The following FMNL2 variants were observed in gnomAD, a reference collection of about 807,000 sequenced individuals.
The protein encoded by FMNL2 is formin-like protein 2.
Under a neutral mutation model 130.2 loss-of-function variants are expected in FMNL2, and 51 were observed. That is an observed-to-expected ratio of 0.39 (90% CI 0.31 to 0.49). The LOEUF (loss-of-function observed/expected upper bound fraction) is 0.49, where lower values mean the gene tolerates loss of function less well. Among genes scored for constraint, FMNL2 ranks in the 20% least tolerant of loss-of-function variants. FMNL2 has a pLI of 0.85. For synonymous variants in FMNL2, 465 were observed against 467.1 expected, an observed-to-expected ratio of 1.00 and a Z score of 0.06; for missense variants, 977 against 1,316.2, an observed-to-expected ratio of 0.74 and a Z score of 3.99.
In FMNL2 at chr2:152,619,532, C is replaced by A; in HGVS notation, c.1651C>A (p.Pro551Thr). The A allele has an allele frequency of 6.5e-7, 1 of 1,545,150 alleles. No homozygotes were observed. Among genetic ancestry groups the A allele is most frequent in the Non-Finnish European group, 8.7e-7 (1 of 1,146,094 alleles). Residue 551 changes from proline to threonine, a missense_variant, in exon 15 of 26, where the codon CCT (proline) becomes ACT (threonine). By Grantham distance (38) the Pro-to-Thr change is conservative. This residue lies in a region of FMNL2 where 689 missense variants were observed against 995.9 expected (regional missense o/e 0.69). Transcript: ENST00000288670. The stretch of plus-strand genomic sequence containing the variant: ...AGTGCAAAATGGTCCAGTAACACCA[C>A]CTATGCCACCGCCGCCGCCGCCCCC... Reference protein sequence around the residue: ...ETVQNGPVTPPMPPPPPPPPP... With the variant: ...ETVQNGPVTPTMPPPPPPPPP...
At chr2:152,346,919 G>A (rs1366020975) in intron 1 of FMNL2, among the ~76,000 whole-genome samples, 1 of 151,286 alleles carries the variant, frequency 6.6e-6, no homozygotes, top group Admixed American at 6.6e-5. Context: ...GTGAAACCCC[G>A]TATCTACTAA....
At chr2:152,611,752 G>C (rs1698696004) in intron 11 of FMNL2, 147 bp downstream of exon 11, 3 of 530,720 alleles carry the variant, frequency 5.7e-6, no homozygotes, top group Non-Finnish European at 1.0e-5. Flanking sequence ...ACTGAGCTGA[G>C]TGATGTACTC....
At chr2:152,466,004 G>C (rs997436527) in intron 1 of FMNL2, among the ~76,000 whole-genome samples, 5 of 152,208 alleles carry the variant, frequency 3.3e-5, no homozygotes, top group Admixed American at 3.3e-4. Context: ...AATGTTGTGG[G>C]AAGAAGCACT....
At chr2:152,520,004 A>G (rs905600349) in intron 1 of FMNL2, among the ~76,000 whole-genome samples, 5 of 152,224 alleles carry the variant, frequency 3.3e-5, no homozygotes, top group African/African-American at 1.2e-4. Flanking sequence ...TGATGGACTG[A>G]CCATTTACCA....
intron 3 of FMNL2, among the ~76,000 whole-genome samples, chr2:152,548,265 C>G (rs1694754247): frequency 6.6e-6 from 1 of 152,214 alleles, no homozygotes; most frequent in African/African-American, 2.4e-5. Flanking sequence ...AGGCCTGAGA[C>G]TGCTATGCTT....
In FMNL2 at chr2:152,357,182, A is replaced by ATCAGTTTAATGTATCACGATAAATATTAC. The variant is rs1560293901; in HGVS notation, c.117+21462_117+21463insTCAGTTTAATGTATCACGATAAATATTAC. On this transcript the variant is annotated intron_variant, in intron 1 of 25. Transcript: ENST00000288670. ...GTTTAATGTATCACGATAAATATTA[A>ATCAGTTTAATGTATCACGATAAATATTAC]ATCAGTTTAATGTATCACGATAAAT... is the stretch of plus-strand genomic sequence containing the variant. Among the ~76,000 whole-genome samples, 91 of 22,278 alleles carry ATCAGTTTAATGTATCACGATAAATATTAC rather than the reference A, an allele frequency of 4.1e-3. 2 individuals carry two copies. The highest frequency in any genetic ancestry group is 7.0e-3 in the African/African-American group (72 of 10,308). 14.6% of individuals were successfully genotyped at this position (22,278 alleles called of 152,430 possible). A position where few individuals can be genotyped will look rare whatever the true frequency, so the allele number is the denominator to read the frequency against.
At chr2:152,477,865 T>C (rs1277597224) in intron 1 of FMNL2, among the ~76,000 whole-genome samples, 4 of 152,102 alleles carry the variant, frequency 2.6e-5, no homozygotes, top group Non-Finnish European at 5.9e-5. Context: ...ACACAAACTA[T>C]AGACACATGA....
intron 1 of FMNL2, among the ~76,000 whole-genome samples, chr2:152,518,370 G>A (rs1230141536): frequency 6.6e-6 from 1 of 152,148 alleles, no homozygotes; most frequent in Non-Finnish European, 1.5e-5. Context: ...CTTTAGTTTG[G>A]ATGTATTGAT....
chr2:152,514,120 G>A (rs943743504), intron 1 of FMNL2, among the ~76,000 whole-genome samples: 15 of 152,090 alleles, frequency 9.9e-5, no homozygotes, highest in African/African-American at 3.4e-4. Context: ...ATTTTCAAGT[G>A]AACTCAGGAG....
intron 1 of FMNL2, among the ~76,000 whole-genome samples, chr2:152,426,629 T>G (rs1308710520): frequency 1.3e-5 from 2 of 152,186 alleles, no homozygotes; most frequent in Non-Finnish European, 2.9e-5. Context: ...GCCCAGATAC[T>G]GATGTTTTTT....
intron 6 of FMNL2, among the ~76,000 whole-genome samples, chr2:152,574,346 G>T (rs994258571): frequency 6.7e-6 from 1 of 149,314 alleles, no homozygotes; most frequent in Non-Finnish European, 1.5e-5. Context: ...TGAGGCAGGA[G>T]AATCGCTTGA....
rs764038898 is a variant in FMNL2 at position 152,648,720 on chromosome 2, T to TATCA, written c.*817_*820dup. On this transcript the variant is annotated 3_prime_UTR_variant, in exon 26 of 26. Coordinates refer to ENST00000288670, the MANE Select transcript of FMNL2 (RefSeq NM_052905.4). The stretch of plus-strand genomic sequence containing the variant: ...GCCTTGCAAGGAAGTTTACTAGCTC[T>TATCA]ATCAACAAGCATTCAAGGTTACATC... The TATCA allele has an allele frequency of 1.1e-4, 17 of 152,654 alleles. No individual in the cohort carries two copies. The highest frequency in any genetic ancestry group is 2.0e-4 in the Admixed American group (3 of 15,278). The allele number at this position is 152,654 out of a possible 1,614,324, so 9.5% of individuals were successfully genotyped here.
chr2:152,488,788 A>G (rs1422187486), intron 1 of FMNL2, among the ~76,000 whole-genome samples: 2 of 152,234 alleles, frequency 1.3e-5, no homozygotes, highest in Non-Finnish European at 2.9e-5. Flanking sequence ...GGTGTCAACT[A>G]GGACACAAGC....
intron 1 of FMNL2, among the ~76,000 whole-genome samples, chr2:152,447,310 C>T (rs1211674564): frequency 6.6e-6 from 1 of 152,044 alleles, no homozygotes; most frequent in Non-Finnish European, 1.5e-5. Context: ...ACTGTGTTGC[C>T]CAGGCCGATC....
intron 15 of FMNL2, among the ~76,000 whole-genome samples, chr2:152,621,693 ATCTT>A (rs1431203973): frequency 3.3e-5 from 5 of 152,158 alleles, no homozygotes; most frequent in African/African-American, 4.8e-5. Flanking sequence ...AAGGCCTTTA[ATCTT>A]TCTTTATTAT....
intron 1 of FMNL2, among the ~76,000 whole-genome samples, chr2:152,511,688 G>C (rs1692503490): frequency 6.6e-6 from 1 of 152,112 alleles, no homozygotes; most frequent in Admixed American, 6.6e-5. Context: ...ATCGTTTCCA[G>C]AGTGACTGCT....
At chr2:152,469,041 A>G (rs530592838) in intron 1 of FMNL2, among the ~76,000 whole-genome samples, 1 of 152,354 alleles carries the variant, frequency 6.6e-6, no homozygotes, top group Non-Finnish European at 1.5e-5. Flanking sequence ...GAAAGTGGAG[A>G]AAATTAACAT....
At chr2:152,413,806 A>T (rs1222040285) in intron 1 of FMNL2, among the ~76,000 whole-genome samples, 1 of 152,212 alleles carries the variant, frequency 6.6e-6, no homozygotes, top group African/African-American at 2.4e-5. Flanking sequence ...GGAGGCAAAC[A>T]AATGAGTTGT....
chr2:152,499,604 A>G (rs1691698786), intron 1 of FMNL2, among the ~76,000 whole-genome samples: 1 of 152,172 alleles, frequency 6.6e-6, no homozygotes, highest in Non-Finnish European at 1.5e-5. Flanking sequence ...CTCAAGGCTT[A>G]GTGTAGGCTT....
Sources: allele counts gnomAD v4.1 joint callset (sites outside exome capture counted in the v4.1 genomes callset), GRCh38; gene constraint gnomAD v4.1.1; regional missense constraint gnomAD v4.1.1; transcripts MANE v1.5; gene names NCBI Gene and HGNC (gene_info 2026-07-23, HGNC 2026-07-21).